The following ANO4 variants were observed in gnomAD, a reference collection of about 807,000 sequenced individuals.
ANO4 encodes anoctamin-4.
In ANO4, 69 loss-of-function variants were observed where a neutral mutation model predicts 141.9. The observed-to-expected ratio is 0.49, with a 90% CI of 0.40 to 0.59. The LOEUF (loss-of-function observed/expected upper bound fraction) is 0.59. Ranked by LOEUF, ANO4 falls within the 20% of genes least tolerant of loss-of-function variation. The pLI is 0.00. For missense variants in ANO4, 894 were observed against 1,162.2 expected (o/e 0.77, Z 3.36); for synonymous variants, 350 against 394.3 (o/e 0.89, Z 1.33).
chr12:100,801,655 AGG>A (rs1359266741), intron 1 of ANO4, among the ~76,000 whole-genome samples: 6 of 146,800 alleles, frequency 4.1e-5, no homozygotes, highest in Non-Finnish European at 7.5e-5. Context: ...GGGGGTAGAA[AGG>A]GCATTCTAGA....
At chr12:100,933,417 G>A (rs1019483167) in intron 3 of ANO4, among the ~76,000 whole-genome samples, 5 of 152,106 alleles carry the variant, frequency 3.3e-5, no homozygotes, top group Admixed American at 3.3e-4. Flanking sequence ...ATGGTTTCCA[G>A]CTTCATCCAT....
At chr12:100,789,461 A>G (rs766099295) in intron 3 of ANO4, among the ~76,000 whole-genome samples, 1 of 152,250 alleles carries the variant, frequency 6.6e-6, no homozygotes, top group African/African-American at 2.4e-5. Context: ...TTATAAAGCA[A>G]TGATGACAAC....
intron 1 of ANO4, among the ~76,000 whole-genome samples, chr12:100,818,537 A>G (rs1207059941): frequency 1.3e-5 from 2 of 151,996 alleles, no homozygotes. Flanking sequence ...GAGCTTCATC[A>G]TTATAAACTA....
chr12:101,066,400 A>C (rs564030326), intron 14 of ANO4, among the ~76,000 whole-genome samples: 8 of 152,256 alleles, frequency 5.3e-5, no homozygotes, highest in Non-Finnish European at 1.0e-4. Context: ...GAGCTGATAC[A>C]TTCAGTGAAG....
At chr12:100,823,733 A>T (rs927193138) in intron 1 of ANO4, among the ~76,000 whole-genome samples, 2 of 152,042 alleles carry the variant, frequency 1.3e-5, no homozygotes, top group African/African-American at 4.8e-5. Context: ...TACAAACCAC[A>T]ATCTTCAAAT....
chr12:100,907,938 C>T (rs1475594518), intron 2 of ANO4, among the ~76,000 whole-genome samples: 1 of 152,128 alleles, frequency 6.6e-6, no homozygotes, highest in Non-Finnish European at 1.5e-5. Flanking sequence ...AATTGATATC[C>T]TGTGTTGATA....
intron 3 of ANO4, among the ~76,000 whole-genome samples, chr12:100,753,078 C>A (rs1422996859): frequency 6.6e-6 from 1 of 152,156 alleles, no homozygotes; most frequent in East Asian, 1.9e-4. Context: ...TGCTTCCTGG[C>A]ACATTCTCAT....
In ANO4 at chr12:100,751,425, T is replaced by G. The variant is rs551215111; in HGVS notation, c.358+11320T>G. Among the ~76,000 whole-genome samples, 4 of 152,252 alleles carry G rather than the reference T, an allele frequency of 2.6e-5. No homozygotes were observed. In the South Asian group the frequency reaches 6.2e-4, roughly 24 times the overall value. On this transcript the variant is annotated intron_variant, in intron 3 of 29. Coordinates refer to the ANO4 transcript ENST00000644049. ...GATTCTGGTTCAGTTTGTAGTTCTC[T>G]CCAGCAAAGAGGCACCTAACAGATT... is the stretch of plus-strand genomic sequence containing the variant.
intron 13 of ANO4, 66 bp downstream of exon 13, chr12:101,043,701 G>T (rs1269309047): frequency 8.6e-7 from 1 of 1,159,632 alleles, no homozygotes; most frequent in Non-Finnish European, 1.3e-6. Context: ...GGGATGGTGG[G>T]TAACTCTATT....
intron 8 of ANO4, among the ~76,000 whole-genome samples, chr12:101,000,585 T>C (rs908934653): frequency 1.9e-4 from 29 of 152,212 alleles, no homozygotes; most frequent in Non-Finnish European, 2.6e-4. Context: ...CAGTTACTTA[T>C]TCGGCATTAG....
At chr12:100,936,953 G>A (rs1359777677) in intron 3 of ANO4, among the ~76,000 whole-genome samples, 1 of 152,170 alleles carries the variant, frequency 6.6e-6, no homozygotes, top group African/African-American at 2.4e-5. Flanking sequence ...CAGGTCCTCT[G>A]ACTTGGTTAA....
In ANO4 at chr12:101,124,200, G is replaced by T. The variant is rs1457327816; in HGVS notation, c.2677-2679G>T. Among the ~76,000 whole-genome samples the T allele has an allele frequency of 2.0e-5, 3 of 152,046 alleles. No individual in the cohort carries two copies. The East Asian group carries it at 5.8e-4, about 29-fold the overall frequency. On this transcript the variant is annotated intron_variant, in intron 26 of 27. Transcript: ENST00000392977. ...TGGTATCTCATTGTGATTTTTATTTGCAGTTCTTTAATTATCAATAATGTT... is the reference window on the plus strand; with the variant it reads ...TGGTATCTCATTGTGATTTTTATTTTCAGTTCTTTAATTATCAATAATGTT...
chr12:100,990,496 A>G (rs1347798832), intron 8 of ANO4, among the ~76,000 whole-genome samples: 2 of 152,212 alleles, frequency 1.3e-5, no homozygotes, highest in East Asian at 3.8e-4. Flanking sequence ...ACTCTCTCAC[A>G]TATTTGAGAA....
At chr12:101,115,092 A>G (rs2050802530) in intron 24 of ANO4, among the ~76,000 whole-genome samples, 1 of 152,212 alleles carries the variant, frequency 6.6e-6, no homozygotes, top group Non-Finnish European at 1.5e-5. Context: ...CTTGTTAATG[A>G]AGAGAATCTG....
At chr12:101,127,463 C>A (rs1160735642) in intron 27 of ANO4, among the ~76,000 whole-genome samples, 1 of 152,212 alleles carries the variant, frequency 6.6e-6, no homozygotes, top group Non-Finnish European at 1.5e-5. Flanking sequence ...AAAGAGAATT[C>A]TTCCTGAAAG....
At chr12:100,891,328 GTAAATACCAA>G (rs2040094692) in intron 1 of ANO4, among the ~76,000 whole-genome samples, 1 of 152,164 alleles carries the variant, frequency 6.6e-6, no homozygotes, top group Non-Finnish European at 1.5e-5. Context: ...TCTCACTTGG[GTAAATACCAA>G]GGTGCATGAT....
intron 3 of ANO4, among the ~76,000 whole-genome samples, chr12:100,747,426 A>G (rs903155033): frequency 6.6e-6 from 1 of 152,150 alleles, no homozygotes; most frequent in Non-Finnish European, 1.5e-5. Flanking sequence ...TATGTCATGA[A>G]TCAAACCTCC....
At chr12:100,863,499 T>C (rs1430335049) in intron 1 of ANO4, among the ~76,000 whole-genome samples, 1 of 152,178 alleles carries the variant, frequency 6.6e-6, no homozygotes, top group Non-Finnish European at 1.5e-5. Context: ...AATCTTACTC[T>C]TGAAATGAAG....
chr12:100,730,345 C>A (rs1484425193), intron 1 of ANO4, among the ~76,000 whole-genome samples: 1 of 151,972 alleles, frequency 6.6e-6, no homozygotes, highest in Admixed American at 6.6e-5. Context: ...ACTATTGTTA[C>A]CATTTGCAGG....
Sources: gnomAD v4.1 joint callset for allele counts (sites outside exome capture counted in the v4.1 genomes callset) on GRCh38, gnomAD v4.1.1 for gene constraint, MANE v1.5 for transcripts, NCBI Gene and HGNC (gene_info 2026-07-23, HGNC 2026-07-21) for gene names.